NELL2: variants seen among roughly 807,000 people sequenced by gnomAD.
The protein encoded by NELL2 is neural EGFL like 2.
Under a neutral mutation model 109.6 loss-of-function variants are expected in NELL2, and 41 were observed. That is an observed-to-expected ratio of 0.37 (90% CI 0.29 to 0.49). NELL2 has a LOEUF of 0.49. NELL2 is among the 20% of genes least tolerant of loss of function. NELL2 has a pLI of 0.98. For missense variants in NELL2, 900 were observed against 1,008.3 expected, an observed-to-expected ratio of 0.89 and a Z score of 1.45; for synonymous variants, 355 against 344.7, an observed-to-expected ratio of 1.03 and a Z score of -0.33.
At chr12:44,843,179 T>TA (rs1944277180) in intron 2 of NELL2, among the ~76,000 whole-genome samples, 1 of 145,274 alleles carries the variant, frequency 6.9e-6, no homozygotes, top group Non-Finnish European at 1.5e-5. Context: ...AACTAGAATA[T>TA]GAAAAAAAAA....
chr12:44,705,986 A>T (rs1937856310), intron 11 of NELL2, among the ~76,000 whole-genome samples: 1 of 152,066 alleles, frequency 6.6e-6, no homozygotes, highest in Non-Finnish European at 1.5e-5. Context: ...GTGATATGCC[A>T]CCTCTATTAT....
At chr12:44,639,234 G>GA (rs1298308798) in intron 13 of NELL2, among the ~76,000 whole-genome samples, 1 of 152,058 alleles carries the variant, frequency 6.6e-6, no homozygotes, top group Admixed American at 6.6e-5. Context: ...ATGCCTAGAG[G>GA]AAAAGGTAGA....
chr12:44,540,700 G>A (rs552184434), intron 15 of NELL2, among the ~76,000 whole-genome samples: 2 of 137,054 alleles, frequency 1.5e-5, no homozygotes, highest in South Asian at 2.4e-4. Flanking sequence ...TTGAATCAAA[G>A]TCCCCTGCAT....
chr12:44,800,148 T>C (rs1037120972), intron 3 of NELL2, among the ~76,000 whole-genome samples: 9 of 152,216 alleles, frequency 5.9e-5, no homozygotes, highest in Non-Finnish European at 4.4e-5. Context: ...CACTACTATG[T>C]ACTTAATTTT....
At chr12:44,529,876 C>T (rs187294784) in intron 16 of NELL2, among the ~76,000 whole-genome samples, 16 of 152,222 alleles carry the variant, frequency 1.1e-4, no homozygotes, top group Admixed American at 5.2e-4. Context: ...CTAAAGGGGA[C>T]AGAAAATTGG....
At chr12:44,593,456 A>G (rs1474792633) in intron 15 of NELL2, among the ~76,000 whole-genome samples, 1 of 152,186 alleles carries the variant, frequency 6.6e-6, no homozygotes, top group Non-Finnish European at 1.5e-5. Context: ...TTACATTTAC[A>G]TGGTACTGTG....
chr12:44,522,075 G>A lies in NELL2; in HGVS notation c.2100C>T (p.Cys700=). 2.5e-6 allele frequency: 4 copies of A among 1,614,088 alleles called. No individual in the cohort carries two copies. The South Asian group carries it at 4.4e-5, about 18-fold the overall frequency. Residue 700 remains cysteine (C), a synonymous_variant, in exon 18 of 20, where the codon TGC becomes TGT. Transcript: ENST00000429094. ...PECDPRLSSQ[C]LHQNGETLYN... The stretch of plus-strand genomic sequence containing the variant: ...ACAAAGTTTCCCCATTTTGATGGAG[G>A]CACTGACTACTAAGCCTTGGGTCAC...
chr12:44,764,170 G>A (rs1236883988), intron 9 of NELL2, among the ~76,000 whole-genome samples: 1 of 152,152 alleles, frequency 6.6e-6, no homozygotes, highest in Admixed American at 6.5e-5. Flanking sequence ...AAGAATTCCA[G>A]TTAATAATCA....
chr12:44,779,649 T>C lies in NELL2; in HGVS notation c.606+14A>G. 2 of 1,602,706 alleles carry C rather than the reference T, an allele frequency of 1.2e-6. No individual in the cohort carries two copies. Among genetic ancestry groups the C allele is most frequent in the African/African-American group, 1.3e-5 (1 of 74,818 alleles). On this transcript the variant is annotated intron_variant, in intron 5 of 19. Coordinates refer to ENST00000429094, the MANE Select transcript of NELL2 (RefSeq NM_001145108.2). ...GCATTTACATTTCATTCTCAGACTT[T>C]TGCCAAAAGATACCTTAAAATATCC...
intron 2 of NELL2, among the ~76,000 whole-genome samples, chr12:44,839,643 T>G (rs1267600538): frequency 6.6e-6 from 1 of 152,254 alleles, no homozygotes; most frequent in Non-Finnish European, 1.5e-5. Context: ...TTTTAGAATT[T>G]TTTTTCTAAT....
intron 9 of NELL2, among the ~76,000 whole-genome samples, chr12:44,742,382 A>G (rs896452531): frequency 1.3e-5 from 2 of 152,248 alleles, no homozygotes; most frequent in African/African-American, 4.8e-5. Context: ...GAAAAACTGG[A>G]AACTAAAAAT....
intron 12 of NELL2, among the ~76,000 whole-genome samples, chr12:44,687,993 TTCTC>T (rs774106508): frequency 6.6e-5 from 10 of 152,296 alleles, no homozygotes; most frequent in South Asian, 2.1e-4. Flanking sequence ...TCTAAGCAAT[TTCTC>T]TCTAATATTA....
chr12:44,565,861 G>A (rs1029854961), intron 15 of NELL2, among the ~76,000 whole-genome samples: 2 of 152,162 alleles, frequency 1.3e-5, no homozygotes, highest in South Asian at 2.1e-4. Flanking sequence ...GATGAAGCTG[G>A]AGTGGCAAGT....
At position 44,649,010 on chromosome 12, in the gene NELL2, C is replaced by T. The variant is rs976538255; in HGVS notation, c.1444+16474G>A. Among the ~76,000 whole-genome samples, 3 of 151,082 alleles carry T rather than the reference C, an allele frequency of 2.0e-5. No homozygotes were observed. In the East Asian group the frequency reaches 5.9e-4, roughly 30 times the overall value. On this transcript the variant is annotated intron_variant, in intron 13 of 19. Coordinates refer to ENST00000429094, the MANE Select transcript of NELL2 (RefSeq NM_001145108.2). Reference sequence around the variant, plus strand: ...CGAACTCCTGAACTCAGGCAATCCGCCCACCTTGGCCTCCCAAAGTGCTGG... The same window carrying T: ...CGAACTCCTGAACTCAGGCAATCCGTCCACCTTGGCCTCCCAAAGTGCTGG...
intron 9 of NELL2, among the ~76,000 whole-genome samples, chr12:44,731,390 T>C (rs544346210): frequency 4.5e-4 from 68 of 150,556 alleles, no homozygotes; most frequent in African/African-American, 1.7e-3. Flanking sequence ...AGAAGGATTA[T>C]ACACCATGAT....
At chr12:44,613,223 G>A (rs1945691410) in intron 13 of NELL2, among the ~76,000 whole-genome samples, 1 of 152,022 alleles carries the variant, frequency 6.6e-6, no homozygotes, top group Non-Finnish European at 1.5e-5. Context: ...CCACATACAA[G>A]GTTCTATTAT....
chr12:44,848,110 C>T (rs1232155057), intron 2 of NELL2, among the ~76,000 whole-genome samples: 1 of 151,532 alleles, frequency 6.6e-6, no homozygotes, highest in East Asian at 1.9e-4. Context: ...GTGGGGGCTG[C>T]AGTGTATAAA....
chr12:44,726,941 C>A (rs547418923), intron 9 of NELL2, among the ~76,000 whole-genome samples: 1 of 152,220 alleles, frequency 6.6e-6, no homozygotes, highest in Admixed American at 6.5e-5. Flanking sequence ...GCCTCAAACT[C>A]AGTTGATTTC....
chr12:44,522,243 A>C, intron 17 of NELL2, 67 bp from the exon 18 acceptor site: 1 of 1,284,036 alleles, frequency 7.8e-7, no homozygotes, highest in Non-Finnish European at 1.1e-6. Context: ...ACACACACAC[A>C]CGCACACACA....
Sources: allele counts gnomAD v4.1 joint callset (sites outside exome capture counted in the v4.1 genomes callset), GRCh38; gene constraint gnomAD v4.1.1; transcripts MANE v1.5; gene names NCBI Gene and HGNC (gene_info 2026-07-23, HGNC 2026-07-21).